The following PCNT variants were observed in gnomAD, a reference collection of about 807,000 sequenced individuals.
The protein encoded by PCNT is pericentrin.
PCNT carries 319 observed loss-of-function variants against 380.4 expected under a neutral mutation model. That is an observed-to-expected ratio of 0.84 (90% CI 0.77 to 0.92). PCNT has a LOEUF of 0.92. Among genes scored for constraint, PCNT ranks in the 40% least tolerant of loss-of-function variants. The pLI is 0.00. For missense variants in PCNT, 4,400 were observed against 4,255.3 expected, an observed-to-expected ratio of 1.03 and a Z score of -0.95; for synonymous variants, 1,845 against 1,735.2, an observed-to-expected ratio of 1.06 and a Z score of -1.57.
chr21:46,410,398 T>C (rs1341303405), intron 27 of PCNT, among the ~76,000 whole-genome samples: 2 of 152,242 alleles, frequency 1.3e-5, no homozygotes, highest in Non-Finnish European at 2.9e-5. Flanking sequence ...TGGAAGAACA[T>C]ATTAGTCTAT....
In PCNT at chr21:46,425,518, C is replaced by T. The variant is rs189894874; in HGVS notation, c.7180-313C>T. On this transcript the variant is annotated intron_variant, in intron 32 of 46. Coordinates refer to ENST00000359568, the MANE Select transcript of PCNT (RefSeq NM_006031.6). This position sits in a 1 kb window ranked among gnomAD's most constrained non-coding sequence, Gnocchi z 4.2. ...GCCCTGAGCTTTGTCCAGGCTTAGG[C>T]GGGGGACGGTGTCCCCCTCAGGGAG... 3.7e-4 allele frequency among the ~76,000 whole-genome samples: 57 copies of T among 152,342 alleles called. No homozygotes were observed. The highest frequency in any genetic ancestry group is 2.1e-3 in the East Asian group (11 of 5,182).
At chr21:46,415,876 TGCCTTTTAA>T (rs2087007374) in intron 29 of PCNT, among the ~76,000 whole-genome samples, 184 bp from the exon 30 acceptor site, 1 of 152,198 alleles carries the variant, frequency 6.6e-6, no homozygotes, top group Non-Finnish European at 1.5e-5. Flanking sequence ...TTATGACAGT[TGCCTTTTAA>T]GCAAGGAGAT....
intron 31 of PCNT, among the ~76,000 whole-genome samples, chr21:46,420,095 C>A (rs545310093): frequency 6.7e-4 from 102 of 152,272 alleles, no homozygotes; most frequent in Middle Eastern, 6.8e-3. Flanking sequence ...CAGTGACGCA[C>A]AACCTTTGAG....
chr21:46,398,031 G>GGAGCACGAGCGC lies in PCNT; in HGVS notation c.4468_4479dup (p.His1490_Glu1493dup), dbSNP rs770984586. On this transcript the variant is annotated inframe_insertion, in exon 23 of 47. Transcript: ENST00000359568. ...CCTCCCAGGAGCAGGCAGCCGAGCG[G>GGAGCACGAGCGC]GAGCACGAGCGCGAGGAGTTCCAGC... 5 of 1,590,606 alleles carry GGAGCACGAGCGC rather than the reference G, an allele frequency of 3.1e-6. No homozygotes were observed. Among genetic ancestry groups the GGAGCACGAGCGC allele is most frequent in the Non-Finnish European group, 1.7e-6 (2 of 1,170,008 alleles).
At chr21:46,436,635 G>A (rs1040275397) in intron 39 of PCNT, among the ~76,000 whole-genome samples, 2 of 152,132 alleles carry the variant, frequency 1.3e-5, no homozygotes, top group Non-Finnish European at 2.9e-5. Context: ...TCTATACTTG[G>A]ACTTAATGTA....
chr21:46,445,545 G>C lies in PCNT; in HGVS notation c.*218G>C. ...GAGCCTCCGTATGTTTTAGGCCCAT[G>C]ACCTTCGTGAGGTGACGGGCACTCA... is the stretch of plus-strand genomic sequence containing the variant. On this transcript the variant is annotated 3_prime_UTR_variant, in exon 47 of 47. Coordinates refer to ENST00000359568, the MANE Select transcript of PCNT (RefSeq NM_006031.6). The C allele has an allele frequency of 1.7e-6, 1 of 590,088 alleles. No homozygotes were observed. Among genetic ancestry groups the C allele is most frequent in the Non-Finnish European group, 3.0e-6 (1 of 330,944 alleles). 36.6% of individuals were successfully genotyped at this position (590,088 alleles called of 1,614,324 possible). A position where few individuals can be genotyped will look rare whatever the true frequency, so the allele number is the denominator to read the frequency against.
chr21:46,326,334 T>G, intron 1 of PCNT, 43 bp from the exon 2 acceptor site: 1 of 1,590,674 alleles, frequency 6.3e-7, no homozygotes, highest in Non-Finnish European at 8.6e-7. Context: ...TATTTTTTTC[T>G]CACTTACCTT....
chr21:46,373,826 T>C (rs1335921343), intron 15 of PCNT, among the ~76,000 whole-genome samples: 2 of 140,876 alleles, frequency 1.4e-5, no homozygotes, highest in East Asian at 4.3e-4. Context: ...GCCCCCCGGG[T>C]TCAAGCGATT....
chr21:46,366,153 A>G (rs539746408), intron 14 of PCNT, among the ~76,000 whole-genome samples: 2 of 152,314 alleles, frequency 1.3e-5, no homozygotes, highest in African/African-American at 2.4e-5. Flanking sequence ...CGCCCTCCCC[A>G]TGGGCCCCCA....
intron 44 of PCNT, among the ~76,000 whole-genome samples, chr21:46,443,572 C>T (rs2053668610): frequency 6.6e-6 from 1 of 152,130 alleles, no homozygotes; most frequent in Non-Finnish European, 1.5e-5. Context: ...GGTCTTGAGA[C>T]CCCCCTGCCC....
rs748504962 is a variant in PCNT at position 46,356,956 on chromosome 21, T to C, written c.1937-18T>C. 6.2e-7 allele frequency: 1 copy of C among 1,611,898 alleles called. No homozygotes were observed. Among genetic ancestry groups the C allele is most frequent in the Non-Finnish European group, 8.5e-7 (1 of 1,178,608 alleles). On this transcript the variant is annotated intron_variant, in intron 12 of 46. Coordinates refer to ENST00000359568, the MANE Select transcript of PCNT (RefSeq NM_006031.6). Reference sequence around the variant, plus strand: ...CCGGCACCGGCCTGACTGTCTTCCCTGCTCCTTTTCCACACAGAGCTTCCC... The same window carrying C: ...CCGGCACCGGCCTGACTGTCTTCCCCGCTCCTTTTCCACACAGAGCTTCCC...
intron 32 of PCNT, among the ~76,000 whole-genome samples, chr21:46,422,879 C>A (rs763403931): frequency 6.6e-6 from 1 of 152,178 alleles, no homozygotes; most frequent in Admixed American, 6.5e-5. Context: ...TTGTTACATG[C>A]GTTTAAAAGT....
chr21:46,345,239 GT>G (rs2084028707), intron 3 of PCNT, among the ~76,000 whole-genome samples: 1 of 151,992 alleles, frequency 6.6e-6, no homozygotes, highest in South Asian at 2.1e-4. Flanking sequence ...TTTTTTTGAG[GT>G]GGAGTCTCGC....
Position 46,426,081 on chromosome 21 carries a change from T to TTTC in PCNT, c.7320+112_7320+113insCTT. The TTTC allele has an allele frequency of 1.4e-5, 15 of 1,064,286 alleles. 1 individual carries two copies. The highest frequency in any genetic ancestry group is 2.6e-5 in the East Asian group (1 of 38,802). The allele number at this position is 1,064,286 out of a possible 1,614,324, so 65.9% of individuals were successfully genotyped here. On this transcript the variant is annotated intron_variant, in intron 33 of 46. Transcript: ENST00000359568. ...CTAGGATTTCTTTCTTTTTTTTTTT[T>TTTC]TTTTTTTTTTTTTTTGAGACTCGGC...
chr21:46,386,016 T>G (rs749360890), intron 17 of PCNT, 33 bp downstream of exon 17: 2 of 1,612,394 alleles, frequency 1.2e-6, no homozygotes, highest in African/African-American at 1.3e-5. Flanking sequence ...GGCTGCCTTG[T>G]GGCCGCCAGC....
Position 46,412,876 on chromosome 21 carries a change from C to G in PCNT, c.6034C>G (p.Pro2012Ala), listed in dbSNP as rs545826417. The change falls in exon 29 of 47, where the codon CCT becomes GCT. Residue 2012 changes from proline to alanine, a missense_variant. Physicochemically the swap from Pro to Ala is conservative, Grantham distance 27. Coordinates refer to ENST00000359568, the MANE Select transcript of PCNT (RefSeq NM_006031.6). ...QPVLVTLKDAPLCKQEGVMSV... is the reference protein window; with the variant it reads ...QPVLVTLKDAALCKQEGVMSV... ...TGTCCTGGTGACGTTGAAGGATGCA[C>G]CTCTCTGCAAGCAAGAAGGCGTGAT... The G allele has an allele frequency of 4.3e-6, 7 of 1,612,846 alleles. No individual in the cohort carries two copies. In the African/African-American group the frequency reaches 9.3e-5, roughly 21 times the overall value.
intron 34 of PCNT, 59 bp downstream of exon 34, chr21:46,427,854 G>A: frequency 6.4e-7 from 1 of 1,563,798 alleles, no homozygotes; most frequent in Non-Finnish European, 8.8e-7. Context: ...CCCTGGCAGA[G>A]AGGGTGACAC....
chr21:46,441,571 C>T (rs1228070976), intron 43 of PCNT, among the ~76,000 whole-genome samples: 1 of 152,104 alleles, frequency 6.6e-6, no homozygotes, highest in Non-Finnish European at 1.5e-5. Flanking sequence ...AAGTGGGGTG[C>T]AGGCGAGGCC....
In PCNT at chr21:46,411,484, G is replaced by A. The variant is rs762385391; in HGVS notation, c.5411G>A (p.Arg1804Gln). ...CTGGAAGCCAAGGAGGCCCTGAGCC[G>A]GCTGCTGGCTGACCAGGAGCGCAGG... ...AALEAKEALS[R>Q]LLADQERRHS... is the part of the protein sequence containing the mutation. Residue 1804 changes from arginine to glutamine, a missense_variant, in exon 28 of 47, where the codon CGG becomes CAG. Arg to Gln is a conservative substitution (Grantham distance 43). Coordinates refer to ENST00000359568, the MANE Select transcript of PCNT (RefSeq NM_006031.6). 20 of 1,609,134 alleles carry A rather than the reference G, an allele frequency of 1.2e-5. No homozygotes were observed. The highest frequency in any genetic ancestry group is 2.2e-5 in the East Asian group (1 of 44,758).
Sources: allele counts gnomAD v4.1 joint callset (sites outside exome capture counted in the v4.1 genomes callset), GRCh38; gene constraint gnomAD v4.1.1; non-coding constraint Gnocchi (gnomAD v3.1); transcripts MANE v1.5; gene names NCBI Gene and HGNC (gene_info 2026-07-23, HGNC 2026-07-21).